The following ZBTB7C variants were observed in gnomAD, a reference collection of about 807,000 sequenced individuals.
ZBTB7C encodes zinc finger and BTB domain containing 7C.
A neutral mutation model predicts 25.7 loss-of-function variants in ZBTB7C; 8 were observed. The observed-to-expected ratio is 0.31, with a 90% CI of 0.18 to 0.56. ZBTB7C has a LOEUF of 0.56. Among genes scored for constraint, ZBTB7C ranks in the 20% least tolerant of loss-of-function variants. The pLI, the probability that ZBTB7C is intolerant of heterozygous loss-of-function variation, is 0.91. For synonymous variants in ZBTB7C, 394 were observed against 369.0 expected (o/e 1.07, Z -0.78); for missense variants, 824 against 855.2 (o/e 0.96, Z 0.46).
At chr18:48,067,126 A>AAAACC (rs1314958573) in intron 3 of ZBTB7C, among the ~76,000 whole-genome samples, 2 of 152,146 alleles carry the variant, frequency 1.3e-5, no homozygotes, top group East Asian at 3.8e-4. Flanking sequence ...AAAACAAAAC[A>AAAACC]AAACCTAGCT....
At chr18:48,289,978 G>A (rs2045173915) in intron 2 of ZBTB7C, among the ~76,000 whole-genome samples, 1 of 152,172 alleles carries the variant, frequency 6.6e-6, no homozygotes, top group African/African-American at 2.4e-5. Flanking sequence ...ATATGGATAG[G>A]TGCTTTAAGT....
intron 2 of ZBTB7C, among the ~76,000 whole-genome samples, chr18:48,317,060 G>A (rs2045965010): frequency 1.3e-5 from 2 of 152,146 alleles, no homozygotes; most frequent in Non-Finnish European, 1.5e-5. Context: ...ATCACCTGAG[G>A]TCAGGAGTTC....
intron 1 of ZBTB7C, among the ~76,000 whole-genome samples, chr18:48,363,164 C>T (rs1210012229): frequency 6.6e-6 from 1 of 152,148 alleles, no homozygotes; most frequent in African/African-American, 2.4e-5. Flanking sequence ...CTCACTAAGG[C>T]TAGTGCTATT....
chr18:48,164,838 A>G (rs2041188539), intron 3 of ZBTB7C, among the ~76,000 whole-genome samples: 3 of 152,150 alleles, frequency 2.0e-5, no homozygotes, highest in South Asian at 4.1e-4. Context: ...GACTTTAGAC[A>G]TATTAACTCA....
intron 1 of ZBTB7C, among the ~76,000 whole-genome samples, chr18:48,384,672 T>C (rs981770142): frequency 6.6e-6 from 1 of 152,086 alleles, no homozygotes; most frequent in African/African-American, 2.4e-5. Context: ...TAGTGTTTAG[T>C]GTTTTTTGGT....
intron 3 of ZBTB7C, among the ~76,000 whole-genome samples, chr18:48,113,819 A>T (rs73956502): frequency 0.039 from 5,958 of 152,298 alleles, 371 homozygotes; most frequent in African/African-American, 0.13. Context: ...CTGTCCCACC[A>T]TCGGCAGGGT....
chr18:48,252,217 A>G (rs985945337), intron 2 of ZBTB7C: 2 of 152,222 alleles, frequency 1.3e-5, no homozygotes, highest in Non-Finnish European at 2.9e-5. Flanking sequence ...TTTGGACTCA[A>G]CCCAGGGGTT....
At chr18:48,197,774 C>G (rs1321865725) in intron 2 of ZBTB7C, among the ~76,000 whole-genome samples, 1 of 152,196 alleles carries the variant, frequency 6.6e-6, no homozygotes, top group Non-Finnish European at 1.5e-5. Flanking sequence ...CCTTTATGAC[C>G]TTGCTTAATC....
chr18:48,266,813 A>AT (rs567698374), intron 2 of ZBTB7C, among the ~76,000 whole-genome samples: 4,817 of 147,336 alleles, frequency 0.033, 119 homozygotes, highest in African/African-American at 0.065. Flanking sequence ...TATAGAATGG[A>AT]TTTTTTTTTT....
intron 3 of ZBTB7C, among the ~76,000 whole-genome samples, chr18:48,090,826 C>T (rs571367351): frequency 6.6e-6 from 1 of 152,200 alleles, no homozygotes; most frequent in East Asian, 1.9e-4. Flanking sequence ...TGCCTCCAAC[C>T]CCTTGTCAGA....
At chr18:48,129,447 T>C (rs1049551596) in intron 3 of ZBTB7C, among the ~76,000 whole-genome samples, 1 of 151,724 alleles carries the variant, frequency 6.6e-6, no homozygotes, top group African/African-American at 2.4e-5. Flanking sequence ...CCCTGATCAG[T>C]CGGAGGCAGA....
At chr18:48,278,092 T>C (rs1014129312) in intron 2 of ZBTB7C, among the ~76,000 whole-genome samples, 1 of 152,168 alleles carries the variant, frequency 6.6e-6, no homozygotes, top group African/African-American at 2.4e-5. Context: ...CCCCTGAATC[T>C]GGACTGGCCA....
chr18:48,146,154 T>C (rs1338344300), intron 3 of ZBTB7C, among the ~76,000 whole-genome samples: 1 of 152,226 alleles, frequency 6.6e-6, no homozygotes, highest in African/African-American at 2.4e-5. Context: ...TTGTCTAGTG[T>C]ATTGTGAAAT....
chr18:48,389,994 T>C (rs2047861870), intron 1 of ZBTB7C, among the ~76,000 whole-genome samples: 1 of 152,204 alleles, frequency 6.6e-6, no homozygotes, highest in Non-Finnish European at 1.5e-5. Flanking sequence ...TATTTAAAGA[T>C]GTCACCACTG....
At chr18:48,317,257 CAAAAAAAAAAA>C (rs71165318) in intron 2 of ZBTB7C, among the ~76,000 whole-genome samples, 1 of 69,462 alleles carries the variant, frequency 1.4e-5, no homozygotes, top group African/African-American at 5.6e-5. Context: ...AACTCCGTCT[CAAAAAAAAAAA>C]AAAAAAAAAA....
At chr18:48,116,356 G>A (rs1031602466) in intron 3 of ZBTB7C, among the ~76,000 whole-genome samples, 2 of 152,206 alleles carry the variant, frequency 1.3e-5, no homozygotes, top group South Asian at 4.1e-4. Context: ...AGCTCCATGT[G>A]TGCTTGCTCA....
At chr18:48,351,584 C>T (rs993767129) in intron 1 of ZBTB7C, among the ~76,000 whole-genome samples, 3 of 152,316 alleles carry the variant, frequency 2.0e-5, no homozygotes, top group South Asian at 2.1e-4. Context: ...CCAGCTGCAC[C>T]GTGTTAAGAA....
At chr18:48,348,574 T>C (rs1400649083) in intron 1 of ZBTB7C, among the ~76,000 whole-genome samples, 1 of 152,218 alleles carries the variant, frequency 6.6e-6, no homozygotes, top group Non-Finnish European at 1.5e-5. Context: ...CCCAGCACTT[T>C]GGGAGGCCAA....
intron 3 of ZBTB7C, among the ~76,000 whole-genome samples, chr18:48,042,370 A>G (rs966221439): frequency 6.6e-6 from 1 of 152,250 alleles, no homozygotes; most frequent in African/African-American, 2.4e-5. Flanking sequence ...AAGCTTCAAC[A>G]TGGCTCATCT....
Sources: gnomAD v4.1 joint callset for allele counts (sites outside exome capture counted in the v4.1 genomes callset) on GRCh38, gnomAD v4.1.1 for gene constraint, MANE v1.5 for transcripts, NCBI Gene and HGNC (gene_info 2026-07-23, HGNC 2026-07-21) for gene names.